The following MCM4 variants were observed in gnomAD, a reference collection of about 807,000 sequenced individuals.
MCM4 encodes DNA replication licensing factor MCM4.
A neutral mutation model predicts 88.7 loss-of-function variants in MCM4; 60 were observed. The ratio of observed to expected loss-of-function variants is 0.68; its 90% CI spans 0.55 to 0.84. The LOEUF (loss-of-function observed/expected upper bound fraction) is 0.84, where lower values mean the gene tolerates loss of function less well. Ranked by LOEUF, MCM4 falls within the 40% of genes least tolerant of loss-of-function variation. The probability of loss-of-function intolerance (pLI) is 0.00; values close to 1 mark genes in which losing one functional copy is unlikely to be tolerated. For synonymous variants in MCM4, 465 were observed against 410.5 expected, an observed-to-expected ratio of 1.13 and a Z score of -1.61; for missense variants, 1,149 against 1,105.5, an observed-to-expected ratio of 1.04 and a Z score of -0.56.
At position 47,966,210 on chromosome 8, in the gene MCM4, A is replaced by C. The variant is rs758799494; in HGVS notation, c.856A>C (p.Ser286Arg). The C allele has an allele frequency of 6.2e-7, 1 of 1,613,706 alleles. No homozygotes were observed. The highest frequency in any genetic ancestry group is 1.3e-5 in the African/African-American group (1 of 75,014). Reference protein sequence around the residue: ...PEDIDQLITISGMVIRTSQLI... With the variant: ...PEDIDQLITIRGMVIRTSQLI... ...AGACATTGACCAGCTCATCACCATCAGCGGCATGGTGATCAGGACATCCCA... is the reference window on the plus strand; with the variant it reads ...AGACATTGACCAGCTCATCACCATCCGCGGCATGGTGATCAGGACATCCCA... The change falls in exon 9 of 17, where the codon AGC (serine) becomes CGC (arginine). Residue 286 changes from serine to arginine, a missense_variant. Ser to Arg is a moderately radical substitution (Grantham distance 110). Coordinates refer to ENST00000649973, the MANE Select transcript of MCM4 (RefSeq NM_182746.3).
chr8:47,962,907 A>G, intron 6 of MCM4, 38 bp from the exon 7 acceptor site: 1 of 1,569,004 alleles, frequency 6.4e-7, no homozygotes, highest in Non-Finnish European at 8.7e-7. Flanking sequence ...AAAATAGTTA[A>G]ATTAGCAAAA....
intron 2 of MCM4, 150 bp from the exon 3 acceptor site, chr8:47,961,366 G>A: frequency 6.7e-7 from 1 of 1,503,356 alleles, no homozygotes; most frequent in Non-Finnish European, 8.8e-7. Context: ...CCCACAGCAG[G>A]CTGTGGCCTG....
At chr8:47,976,603 T>G in intron 16 of MCM4, 83 bp from the exon 17 acceptor site, 1 of 1,012,316 alleles carries the variant, frequency 9.9e-7, no homozygotes, top group Non-Finnish European at 1.5e-6. Flanking sequence ...GGGTGGTACT[T>G]TAACATTATA....
rs1461972410 is a variant in MCM4 at position 47,970,615 on chromosome 8, T to C, written c.1539T>C (p.Gly513=). 1 of 1,614,160 alleles carries C rather than the reference T, an allele frequency of 6.2e-7. No homozygotes were observed. The highest frequency in any genetic ancestry group is 1.7e-5 in the Admixed American group (1 of 60,020). The change falls in exon 12 of 17, where the codon GGT becomes GGC. Residue 513 remains glycine (G), a synonymous_variant. Coordinates refer to ENST00000649973, the MANE Select transcript of MCM4 (RefSeq NM_182746.3). Reference sequence around the variant, plus strand: ...ACATCTTGCTGTGTGGCGACCCTGGTACCAGCAAGTCCCAGCTGCTGCAGT... The same window carrying C: ...ACATCTTGCTGTGTGGCGACCCTGGCACCAGCAAGTCCCAGCTGCTGCAGT... ...EINILLCGDP[G]TSKSQLLQYV... is the part of the protein sequence containing the mutation.
intron 8 of MCM4, 150 bp from the exon 9 acceptor site, chr8:47,966,037 G>C: frequency 1.6e-6 from 1 of 634,480 alleles, no homozygotes; most frequent in Non-Finnish European, 2.8e-6. Flanking sequence ...GGGCTTGAGA[G>C]TCTCCTGAAG....
rs1444289988 is a variant in MCM4 at position 47,961,168 on chromosome 8, G to A, written c.24G>A (p.Pro8=). MSSPAST[P]SRRGSRRGRA... is the part of the protein sequence containing the mutation. ...CTATGTCGTCCCCGGCGTCGACCCCGAGCCGCCGCGGCAGCCGGCGTGGAA... is the reference window on the plus strand; with the variant it reads ...CTATGTCGTCCCCGGCGTCGACCCCAAGCCGCCGCGGCAGCCGGCGTGGAA... The change falls in exon 2 of 17, where the codon CCG becomes CCA. Residue 8 remains proline (P), a synonymous_variant. Transcript: ENST00000649973. 1 of 1,551,480 alleles carries A rather than the reference G, an allele frequency of 6.4e-7. No homozygotes were observed. The highest frequency in any genetic ancestry group is 1.8e-5 in the Admixed American group (1 of 55,270).
intron 11 of MCM4, 84 bp downstream of exon 11, chr8:47,970,141 C>A: frequency 6.8e-7 from 1 of 1,471,412 alleles, no homozygotes. Context: ...CCACTCGAGC[C>A]ATCCGCCATA....
chr8:47,976,745 G>A lies in MCM4; in HGVS notation c.2559G>A (p.Leu853=). The change falls in exon 17 of 17, where the codon CTG becomes CTA. Residue 853 remains leucine, a synonymous_variant. Coordinates refer to ENST00000649973, the MANE Select transcript of MCM4 (RefSeq NM_182746.3). ...GTGCCCTGGCAGATGATGATTTCCTGACAGTGACTGGGAAGACCGTGCGCT... is the reference window on the plus strand; with the variant it reads ...GTGCCCTGGCAGATGATGATTTCCTAACAGTGACTGGGAAGACCGTGCGCT... ...ALRALADDDF[L]TVTGKTVRLL 1 of 1,613,468 alleles carries A rather than the reference G, an allele frequency of 6.2e-7. No individual in the cohort carries two copies.
At chr8:47,968,491 T>G (rs2090921370) in intron 10 of MCM4, among the ~76,000 whole-genome samples, 1 of 152,224 alleles carries the variant, frequency 6.6e-6, no homozygotes, top group South Asian at 2.1e-4. Context: ...AAAGTGGAGT[T>G]AATGTGATGA....
intron 13 of MCM4, 150 bp from the exon 14 acceptor site, chr8:47,972,707 C>T: frequency 1.7e-6 from 1 of 595,670 alleles, no homozygotes; most frequent in Non-Finnish European, 3.0e-6. Flanking sequence ...CAGGCAGGCA[C>T]CACCACTCCT....
chr8:47,961,795 C>G (rs180744310), intron 3 of MCM4, 115 bp downstream of exon 3: 5 of 1,308,542 alleles, frequency 3.8e-6, no homozygotes, highest in African/African-American at 3.0e-5. Flanking sequence ...CCCCTCTGCA[C>G]GTGACTGAGC....
At chr8:47,961,478 A>T (rs749314874) in intron 2 of MCM4, 38 bp from the exon 3 acceptor site, 1 of 1,612,862 alleles carries the variant, frequency 6.2e-7, no homozygotes, top group Non-Finnish European at 8.5e-7. Flanking sequence ...CCGGCCCTGA[A>T]AGTTAATGGC....
chr8:47,976,301 A>G (rs2090999909), intron 16 of MCM4, among the ~76,000 whole-genome samples: 1 of 152,032 alleles, frequency 6.6e-6, no homozygotes, highest in Admixed American at 6.6e-5. Flanking sequence ...TCAAAAAAAA[A>G]AAAAAAGAAA....
intron 11 of MCM4, 40 bp downstream of exon 11, chr8:47,970,097 T>A: frequency 6.2e-7 from 1 of 1,600,566 alleles, no homozygotes. Context: ...GATTTACAAT[T>A]CTTTGGGATC....
intron 14 of MCM4, 59 bp downstream of exon 14, chr8:47,973,123 C>A: frequency 2.3e-6 from 3 of 1,311,108 alleles, no homozygotes; most frequent in Non-Finnish European, 2.2e-6. Flanking sequence ...ATGTAACTGA[C>A]CAATCATCTC....
rs1302578583 is a variant in MCM4, at chr8:47,962,114, A to G, written c.297A>G (p.Val99=). The G allele has an allele frequency of 6.2e-7, 1 of 1,614,162 alleles. No individual in the cohort carries two copies. Among genetic ancestry groups the G allele is most frequent in the South Asian group, 1.1e-5 (1 of 91,078 alleles). The change falls in exon 4 of 17, where the codon GTA becomes GTG. Residue 99 remains valine, a synonymous_variant. Coordinates refer to ENST00000649973, the MANE Select transcript of MCM4 (RefSeq NM_182746.3). ...CATACGGCACTCCCAGCTCTCGGGT[A>G]GAGGGAACCCCAAGAAGTGGTGTTA... The part of the protein sequence containing the change: ...PLTYGTPSSR[V]EGTPRSGVRG...
Position 47,961,510 on chromosome 8 carries a change from C to T in MCM4, c.71-6C>T, listed in dbSNP as rs2090834113. On this transcript the variant is annotated splice_polypyrimidine_tract_variant and splice_region_variant and intron_variant, in intron 2 of 16. Coordinates refer to ENST00000649973, the MANE Select transcript of MCM4 (RefSeq NM_182746.3). ...TGGCTGTCTTTTCTGTTTTGTGTGA[C>T]ACAAGCTCGGAGTGAGGATGCCAGG... 3 of 1,613,746 alleles carry T rather than the reference C, an allele frequency of 1.9e-6. No homozygotes were observed. Among genetic ancestry groups the T allele is most frequent in the Non-Finnish European group, 2.5e-6 (3 of 1,180,044 alleles).
Position 47,976,724 on chromosome 8 carries a change from C to G in MCM4, c.2538C>G (p.Ala846=). The change falls in exon 17 of 17, where the codon GCC becomes GCG. Residue 846 remains alanine, a synonymous_variant. Transcript: ENST00000649973. ...TKDMFEEALR[A]LADDDFLTVT... ...ATATGTTTGAAGAAGCACTGCGTGC[C>G]CTGGCAGATGATGATTTCCTGACAG... 1.2e-6 allele frequency: 2 copies of G among 1,613,556 alleles called. No homozygotes were observed. The highest frequency in any genetic ancestry group is 1.7e-6 in the Non-Finnish European group (2 of 1,179,682).
chr8:47,967,940 G>A (rs1257823594), intron 10 of MCM4, among the ~76,000 whole-genome samples: 1 of 152,174 alleles, frequency 6.6e-6, no homozygotes, highest in East Asian at 1.9e-4. Flanking sequence ...ACATTTGTTT[G>A]TTACAGAGAA....
Sources: allele counts gnomAD v4.1 joint callset (sites outside exome capture counted in the v4.1 genomes callset), GRCh38; gene constraint gnomAD v4.1.1; transcripts MANE v1.5; gene names NCBI Gene and HGNC (gene_info 2026-07-23, HGNC 2026-07-21).